Variants in LAMA4 observed in about 807,000 individuals in gnomAD.
LAMA4 encodes the protein laminin subunit alpha 4.
LAMA4 carries 127 observed loss-of-function variants against 207.1 expected under a neutral mutation model. That is an observed-to-expected ratio of 0.61 (90% CI 0.53 to 0.71). The LOEUF is 0.71. LAMA4 is among the 30% of genes least tolerant of loss of function. The pLI, the probability that LAMA4 is intolerant of heterozygous loss-of-function variation, is 0.00. For synonymous variants in LAMA4, 761 were observed against 816.0 expected, an observed-to-expected ratio of 0.93 and a Z score of 1.15; for missense variants, 2,093 against 2,246.5, an observed-to-expected ratio of 0.93 and a Z score of 1.38.
chr6:112,120,669 A>G (rs1173580266), intron 32 of LAMA4, among the ~76,000 whole-genome samples, 197 bp from the exon 33 acceptor site: 1 of 152,200 alleles, frequency 6.6e-6, no homozygotes, highest in Non-Finnish European at 1.5e-5. Flanking sequence ...ATTCTTCTCT[A>G]CTTCCTTATA....
rs375072728 is a variant in LAMA4, at chr6:112,163,660, G to A, written c.1668+1500C>T. ...ATAGGGGACAGTGGGAGTCTGGGAG[G>A]TAGAAACAGCAATGATAAGTCACTC... is the stretch of plus-strand genomic sequence containing the variant. On this transcript the variant is annotated intron_variant, in intron 13 of 38. Coordinates refer to ENST00000230538, the MANE Select transcript of LAMA4 (RefSeq NM_001105206.3). 3.9e-4 allele frequency among the ~76,000 whole-genome samples: 60 copies of A among 152,322 alleles called. No individual in the cohort carries two copies. The East Asian group carries it at 0.012, about 29-fold the overall frequency.
intron 2 of LAMA4, among the ~76,000 whole-genome samples, chr6:112,225,361 A>G (rs1280600893): frequency 6.6e-6 from 1 of 152,240 alleles, no homozygotes; most frequent in Non-Finnish European, 1.5e-5. Context: ...ATATAACATA[A>G]AAAGAAAAGG....
At chr6:112,216,012 G>A (rs1169721597) in intron 3 of LAMA4, among the ~76,000 whole-genome samples, 4 of 152,142 alleles carry the variant, frequency 2.6e-5, no homozygotes, top group Admixed American at 6.5e-5. Flanking sequence ...TATGTGGAAC[G>A]AAGCCAAACA....
Position 112,178,104 on chromosome 6 carries a change from G to A in LAMA4, c.1189+17C>T, listed in dbSNP as rs781884937. The A allele has an allele frequency of 1.6e-5, 25 of 1,531,172 alleles. No individual in the cohort carries two copies. Among genetic ancestry groups the A allele is most frequent in the African/African-American group, 6.8e-5 (5 of 73,276 alleles). The allele number at this position is 1,531,172 out of a possible 1,614,324, so 94.8% of individuals were successfully genotyped here. ...GTTTCCTTGATATTAAACTGAACCA[G>A]AAGAGAATATATTTACCTTGGATTT... On this transcript the variant is annotated intron_variant, in intron 10 of 38. Coordinates refer to ENST00000230538, the MANE Select transcript of LAMA4 (RefSeq NM_001105206.3).
chr6:112,150,567 C>A lies in LAMA4; in HGVS notation c.2117G>T (p.Ser706Ile). The A allele has an allele frequency of 6.2e-7, 1 of 1,614,046 alleles. No homozygotes were observed. The highest frequency in any genetic ancestry group is 8.5e-7 in the Non-Finnish European group (1 of 1,179,978). The change falls in exon 17 of 39, where the codon AGT (serine) becomes ATT (isoleucine). Residue 706 changes from serine to isoleucine, a missense_variant. Physicochemically the swap from Ser to Ile is moderately radical, Grantham distance 142. This residue lies in a region of LAMA4 where 1,704 missense variants were observed against 1,788.4 expected (regional missense o/e 0.95). Transcript: ENST00000230538. ...RRVGGALARK[S>I]ALKTRLSDAV... The stretch of plus-strand genomic sequence containing the variant: ...ATCACTGAGTCTGGTTTTAAGGGCA[C>A]TTTTCCTTGCTAGGGCTCCACCCAC...
intron 4 of LAMA4, among the ~76,000 whole-genome samples, chr6:112,205,365 T>C (rs1783998042): frequency 6.7e-6 from 1 of 150,192 alleles, no homozygotes; most frequent in Non-Finnish European, 1.5e-5. Context: ...TGATTTACTG[T>C]ACTAAGGAGA....
At position 112,128,388 on chromosome 6, in the gene LAMA4, C is replaced by T. The variant is rs562083208; in HGVS notation, c.4287+534G>A. Among the ~76,000 whole-genome samples, 5 of 152,194 alleles carry T rather than the reference C, an allele frequency of 3.3e-5. No homozygotes were observed. In the East Asian group the frequency reaches 9.7e-4, roughly 29 times the overall value. ...AAGTGGGAGCTAAAAATGTTGAGTT[C>T]ACAGGAGACTAGAACTGTGGTTATC... On this transcript the variant is annotated intron_variant, in intron 31 of 38. Transcript: ENST00000230538.
chr6:112,162,595 G>T (rs1317069555), intron 13 of LAMA4, among the ~76,000 whole-genome samples: 2 of 152,098 alleles, frequency 1.3e-5, no homozygotes, highest in Non-Finnish European at 2.9e-5. Flanking sequence ...TGAGCAATTG[G>T]GTTGTGCCAT....
chr6:112,125,326 T>C (rs1554327264), intron 31 of LAMA4, among the ~76,000 whole-genome samples: 1 of 152,174 alleles, frequency 6.6e-6, no homozygotes, highest in Non-Finnish European at 1.5e-5. Flanking sequence ...AGGTTTTAAG[T>C]TTCCAAGGAA....
At position 112,139,215 on chromosome 6, in the gene LAMA4, T is replaced by A; in HGVS notation, c.3187A>T (p.Ile1063Phe). 6.2e-7 allele frequency: 1 copy of A among 1,614,212 alleles called. No homozygotes were observed. The highest frequency in any genetic ancestry group is 8.5e-7 in the Non-Finnish European group (1 of 1,180,014). The change falls in exon 24 of 39, where the codon ATC becomes TTC. Residue 1063 changes from isoleucine (I) to phenylalanine (F), a missense_variant. This residue lies in a region of LAMA4 where 1,704 missense variants were observed against 1,788.4 expected (regional missense o/e 0.95). Coordinates refer to ENST00000230538, the MANE Select transcript of LAMA4 (RefSeq NM_001105206.3). Reference sequence around the variant, plus strand: ...TGACCAAATTTCCCTCTCCTTGTGATGTCTCTCACCACGGCATAACCGGAG... The same window carrying A: ...TGACCAAATTTCCCTCTCCTTGTGAAGTCTCTCACCACGGCATAACCGGAG... ...DGSGYAVVRDITRRGKFGQVT... is the reference protein window; with the variant it reads ...DGSGYAVVRDFTRRGKFGQVT...
At chr6:112,209,105 T>C (rs2115031882) in intron 3 of LAMA4, among the ~76,000 whole-genome samples, 1 of 152,260 alleles carries the variant, frequency 6.6e-6, no homozygotes, top group South Asian at 2.1e-4. Flanking sequence ...CAGCAATCTC[T>C]CATCCCAGGA....
At chr6:112,171,517 A>AT (rs1781709490) in intron 12 of LAMA4, 1 of 153,800 alleles carries the variant, frequency 6.5e-6, no homozygotes, top group Non-Finnish European at 1.5e-5. Flanking sequence ...GAAGAGAGCT[A>AT]AAACATGTCA....
intron 26 of LAMA4, among the ~76,000 whole-genome samples, chr6:112,133,845 T>C (rs1554330710): frequency 2.0e-5 from 3 of 152,226 alleles, no homozygotes; most frequent in African/African-American, 7.2e-5. Context: ...TAATCAATTC[T>C]TAGTAATTTC....
chr6:112,177,221 T>C (rs184528749), intron 10 of LAMA4, among the ~76,000 whole-genome samples: 10 of 152,344 alleles, frequency 6.6e-5, no homozygotes, highest in Admixed American at 1.3e-4. Flanking sequence ...TTGTTTATAA[T>C]AGACATCAAA....
At chr6:112,164,056 A>C (rs1478838008) in intron 13 of LAMA4, 1 of 152,306 alleles carries the variant, frequency 6.6e-6, no homozygotes, top group African/African-American at 2.4e-5. Flanking sequence ...CAGGAAGCCA[A>C]GTCACCAGGC....
At chr6:112,200,109 T>C (rs781918243) in intron 5 of LAMA4, 1 of 532,802 alleles carries the variant, frequency 1.9e-6, no homozygotes. Context: ...AGCTGGCAGG[T>C]GGAGGGAATG....
chr6:112,192,833 G>A (rs916098188), intron 5 of LAMA4, among the ~76,000 whole-genome samples: 1 of 152,246 alleles, frequency 6.6e-6, no homozygotes, highest in Non-Finnish European at 1.5e-5. Flanking sequence ...TAGGCCCCAT[G>A]TAAGGGAAGA....
intron 5 of LAMA4, 32 bp downstream of exon 5, chr6:112,201,576 C>T (rs1783747879): frequency 2.6e-6 from 4 of 1,563,998 alleles, no homozygotes; most frequent in African/African-American, 1.4e-5. Context: ...TCCTTTGACC[C>T]ACACAGAAAA....
Position 112,114,190 on chromosome 6 carries a change from T to TAATA in LAMA4, c.5208_5211dup (p.Arg1738TyrfsTer2), listed in dbSNP as rs1777873739. On this transcript the variant is annotated frameshift_variant, in exon 38 of 39. Transcript: ENST00000230538. LOFTEE classifies it high-confidence loss of function. ...TCCAACTGAACCACATTAGAATCTC[T>TAATA]AATAACTGAAATGCAGGGCAAAGAC... 1 of 1,611,756 alleles carries TAATA rather than the reference T, an allele frequency of 6.2e-7. No homozygotes were observed. The highest frequency in any genetic ancestry group is 1.3e-5 in the African/African-American group (1 of 74,874).
Sources: gnomAD v4.1 joint callset for allele counts (sites outside exome capture counted in the v4.1 genomes callset) on GRCh38, gnomAD v4.1.1 for gene constraint, gnomAD v4.1.1 regional missense constraint, MANE v1.5 for transcripts, NCBI Gene and HGNC (gene_info 2026-07-23, HGNC 2026-07-21) for gene names.